The following TTC28 variants were observed in gnomAD, a reference collection of about 807,000 sequenced individuals.
TTC28 encodes tetratricopeptide repeat domain 28, also known as tetratricopeptide repeat protein 28.
In TTC28, 61 loss-of-function variants were observed where a neutral mutation model predicts 198.0. That is an observed-to-expected ratio of 0.31 (90% CI 0.25 to 0.38). The LOEUF is 0.38. Ranked by LOEUF, TTC28 falls within the 10% of genes least tolerant of loss-of-function variation. TTC28 has a pLI of 1.00. For missense variants in TTC28, 2,678 were observed against 3,164.0 expected, an observed-to-expected ratio of 0.85 and a Z score of 3.69; for synonymous variants, 1,171 against 1,297.8, an observed-to-expected ratio of 0.90 and a Z score of 2.10.
At chr22:28,300,349 C>T (rs1043850499) in intron 3 of TTC28, among the ~76,000 whole-genome samples, 12 of 152,104 alleles carry the variant, frequency 7.9e-5, no homozygotes, top group African/African-American at 2.9e-4. Context: ...CCTATAGCAA[C>T]CACAGCTAAG....
chr22:28,453,294 T>A (rs2047812222), intron 2 of TTC28, among the ~76,000 whole-genome samples: 1 of 152,238 alleles, frequency 6.6e-6, no homozygotes, highest in African/African-American at 2.4e-5. Context: ...AACACAAATT[T>A]TTCTTGCATG....
intron 16 of TTC28, 50 bp downstream of exon 16, chr22:27,998,490 G>A (rs1216269278): frequency 6.6e-7 from 1 of 1,511,944 alleles, no homozygotes; most frequent in Admixed American, 2.1e-5. Context: ...GGGGCTGTGA[G>A]GACTGAGCCC....
At chr22:28,663,099 T>C (rs2145699528) in intron 1 of TTC28, among the ~76,000 whole-genome samples, 1 of 151,632 alleles carries the variant, frequency 6.6e-6, no homozygotes, top group Non-Finnish European at 1.5e-5. Context: ...ATACAATAAA[T>C]TAGCCAGGCG....
intron 5 of TTC28, among the ~76,000 whole-genome samples, chr22:28,260,012 C>A (rs1011508796): frequency 6.6e-6 from 1 of 152,128 alleles, no homozygotes; most frequent in African/African-American, 2.4e-5. Flanking sequence ...AGGAAAATGT[C>A]TTCCCACAAT....
chr22:28,321,108 C>G (rs1396047658), intron 2 of TTC28, among the ~76,000 whole-genome samples: 1 of 152,058 alleles, frequency 6.6e-6, no homozygotes, highest in African/African-American at 2.4e-5. Context: ...GGTAAAAAAT[C>G]CATTTTTAGG....
intron 6 of TTC28, among the ~76,000 whole-genome samples, chr22:28,137,724 G>C (rs2146979308): frequency 6.6e-6 from 1 of 152,124 alleles, no homozygotes; most frequent in Non-Finnish European, 1.5e-5. Flanking sequence ...TTAGAAAATA[G>C]TCACTATGGG....
intron 5 of TTC28, among the ~76,000 whole-genome samples, chr22:28,244,004 A>G (rs941962974): frequency 1.3e-5 from 2 of 152,198 alleles, no homozygotes; most frequent in Admixed American, 6.5e-5. Flanking sequence ...CAGTAAGGAA[A>G]ATAAATTATA....
intron 2 of TTC28, among the ~76,000 whole-genome samples, chr22:28,387,976 A>C (rs1486944991): frequency 2.0e-5 from 3 of 152,132 alleles, no homozygotes; most frequent in Non-Finnish European, 4.4e-5. Context: ...TTATGGTTTT[A>C]GGTCTAACGT....
intron 2 of TTC28, among the ~76,000 whole-genome samples, chr22:28,521,716 G>C (rs547410947): frequency 1.3e-5 from 2 of 152,316 alleles, no homozygotes; most frequent in East Asian, 1.9e-4. Context: ...AGTAGAGAGA[G>C]GTAAAGAACA....
chr22:28,595,691 C>A (rs970547577), intron 2 of TTC28, among the ~76,000 whole-genome samples: 2 of 152,048 alleles, frequency 1.3e-5, no homozygotes, highest in African/African-American at 4.8e-5. Flanking sequence ...TTTGGGAGGC[C>A]GAGGCAGGCG....
intron 5 of TTC28, among the ~76,000 whole-genome samples, chr22:28,171,272 T>G (rs909201324): frequency 2.0e-5 from 3 of 152,182 alleles, no homozygotes; most frequent in Non-Finnish European, 4.4e-5. Context: ...TTTCCTTCAT[T>G]ACCGGCCTAT....
chr22:27,990,681 C>CGG (rs1601487481), intron 20 of TTC28, 108 bp downstream of exon 20: 21 of 1,112,734 alleles, frequency 1.9e-5, no homozygotes, highest in Non-Finnish European at 2.7e-5. Context: ...CGTGTGGCTC[C>CGG]GTTTGACAGC....
At position 28,242,111 on chromosome 22, in the gene TTC28, C is replaced by T. The variant is rs981525745; in HGVS notation, c.933+54087G>A. Among the ~76,000 whole-genome samples the T allele has an allele frequency of 7.2e-5, 11 of 152,278 alleles. No homozygotes were observed. The East Asian group carries it at 1.5e-3, about 21-fold the overall frequency. On this transcript the variant is annotated intron_variant, in intron 5 of 22. Coordinates refer to ENST00000397906, the MANE Select transcript of TTC28 (RefSeq NM_001145418.2). Reference sequence around the variant, plus strand: ...CTATTTCGGGGGATCTTCATAACAACTCACAGATAGCCTCTGCTTTTTGTT... The same window carrying T: ...CTATTTCGGGGGATCTTCATAACAATTCACAGATAGCCTCTGCTTTTTGTT...
At chr22:28,614,559 G>A (rs960730722) in intron 2 of TTC28, among the ~76,000 whole-genome samples, 9 of 152,208 alleles carry the variant, frequency 5.9e-5, no homozygotes, top group African/African-American at 2.2e-4. Flanking sequence ...CAAGGCTACA[G>A]TAACCAAAAC....
intron 17 of TTC28, among the ~76,000 whole-genome samples, chr22:27,995,890 G>A (rs1601495134): frequency 1.3e-5 from 2 of 152,158 alleles, no homozygotes; most frequent in Admixed American, 1.3e-4. Flanking sequence ...CTCATCCCGG[G>A]GACGTCTGCA....
rs575408494 is a variant in TTC28, at chr22:28,054,652, TC to T, written c.3933-24287del. Among the ~76,000 whole-genome samples the T allele has an allele frequency of 2.4e-4, 37 of 152,074 alleles. No homozygotes were observed. The East Asian group carries it at 6.6e-3, about 27-fold the overall frequency. On this transcript the variant is annotated intron_variant, in intron 12 of 22. Coordinates refer to ENST00000397906, the MANE Select transcript of TTC28 (RefSeq NM_001145418.2). The stretch of plus-strand genomic sequence containing the variant: ...CAGCCAACGCCCTCCCTGTGTGGGC[TC>T]CCCTCCACACATATCTGCTGCCATC...
At chr22:28,503,877 A>G (rs897098219) in intron 2 of TTC28, among the ~76,000 whole-genome samples, 1 of 152,216 alleles carries the variant, frequency 6.6e-6, no homozygotes, top group African/African-American at 2.4e-5. Context: ...AAAGCGTGTC[A>G]GGTCTACTGT....
intron 2 of TTC28, among the ~76,000 whole-genome samples, chr22:28,502,634 C>A (rs1486162862): frequency 6.6e-6 from 1 of 150,966 alleles, no homozygotes; most frequent in Non-Finnish European, 1.5e-5. Context: ...GGTGGCAGAG[C>A]AAGGCTCCGT....
intron 5 of TTC28, among the ~76,000 whole-genome samples, chr22:28,289,156 G>A (rs915836828): frequency 1.1e-4 from 16 of 152,154 alleles, no homozygotes; most frequent in African/African-American, 3.6e-4. Flanking sequence ...TGAGAGTGAG[G>A]GGAGGAGGTG....
Sources: gnomAD v4.1 joint callset for allele counts (sites outside exome capture counted in the v4.1 genomes callset) on GRCh38, gnomAD v4.1.1 for gene constraint, MANE v1.5 for transcripts, NCBI Gene and HGNC (gene_info 2026-07-23, HGNC 2026-07-21) for gene names.